Variants in ZNF577 observed in about 807,000 individuals in gnomAD.
ZNF577 encodes zinc finger protein 577.
ZNF577 carries 14 observed loss-of-function variants against 13.9 expected under a neutral mutation model. The ratio of observed to expected loss-of-function variants is 1.00; its 90% CI spans 0.66 to 1.57. The LOEUF (loss-of-function observed/expected upper bound fraction) is 1.57, where lower values mean the gene tolerates loss of function less well. Ranked by LOEUF, ZNF577 falls within the 40% of genes most tolerant of loss-of-function variation. The pLI is 0.00. For missense variants in ZNF577, 555 were observed against 579.2 expected, an observed-to-expected ratio of 0.96 and a Z score of 0.43; for synonymous variants, 203 against 202.9, an observed-to-expected ratio of 1.00 and a Z score of 0.00.
intron 9 of ZNF577, among the ~76,000 whole-genome samples, chr19:51,838,338 A>C (rs2084299266): frequency 7.0e-6 from 1 of 142,426 alleles, no homozygotes; most frequent in Non-Finnish European, 1.5e-5. Flanking sequence ...ATTGATGCAA[A>C]GATGGGACAG....
intron 5 of ZNF577, among the ~76,000 whole-genome samples, chr19:51,852,221 G>A (rs951910320): frequency 6.6e-6 from 1 of 152,222 alleles, no homozygotes; most frequent in Non-Finnish European, 1.5e-5. Context: ...TCTGCAGGAG[G>A]TAGCCATCTT....
At chr19:51,842,993 T>A (rs563040715) in intron 7 of ZNF577, 1 of 152,244 alleles carries the variant, frequency 6.6e-6, no homozygotes, top group Non-Finnish European at 1.5e-5. Flanking sequence ...ATGCACAGTA[T>A]ACATCTCAGC....
At position 51,867,964 on chromosome 19, in the gene ZNF577, G is replaced by A. The variant is rs1212006935; in HGVS notation, c.*4568C>T. ...CTGGAATGTCTTCTCCCTTGCATGG[G>A]ATCAGAGCCAGGCAAGTTCTGGTGG... is the stretch of plus-strand genomic sequence containing the variant. On this transcript the variant is annotated 3_prime_UTR_variant, in exon 6 of 6. Coordinates refer to ENST00000638348, the MANE Select transcript of ZNF577 (RefSeq NM_001370449.1). 6.6e-6 allele frequency among the ~76,000 whole-genome samples: 1 copy of A among 152,148 alleles called. No homozygotes were observed. The highest frequency in any genetic ancestry group is 2.4e-5 in the African/African-American group (1 of 41,436).
Position 51,824,600 on chromosome 19 carries a change from T to C in ZNF577, c.*600-12926A>G, listed in dbSNP as rs2084218172. The C allele has an allele frequency of 6.2e-7, 1 of 1,614,184 alleles. No individual in the cohort carries two copies. Among genetic ancestry groups the C allele is most frequent in the Non-Finnish European group, 8.5e-7 (1 of 1,180,018 alleles). ...AATACAAAATCATTCTTGTCCTGAT[T>C]AACCCAACAAGCTCCTTGGCCTTTT... On this transcript the variant is annotated intron_variant and NMD_transcript_variant, in intron 9 of 10. Transcript: ENST00000638827. The surrounding 1 kb of genome is among the most constrained non-coding windows in gnomAD (Gnocchi z 4.7).
Position 51,824,677 on chromosome 19 carries a change from A to G in ZNF577, c.*600-13003T>C. ...TACGTCTTTATGGGTCGTAACTTCC[A>G]AGAAAGACTGATTCGCTCTTTGCCC... On this transcript the variant is annotated intron_variant and NMD_transcript_variant, in intron 9 of 10. Transcript: ENST00000638827. The surrounding 1 kb of genome is among the most constrained non-coding windows in gnomAD (Gnocchi z 4.7). 6.2e-7 allele frequency: 1 copy of G among 1,614,078 alleles called. No individual in the cohort carries two copies. Among genetic ancestry groups the G allele is most frequent in the Non-Finnish European group, 8.5e-7 (1 of 1,180,002 alleles).
At chr19:51,833,254 C>T (rs7259920) in intron 9 of ZNF577, among the ~76,000 whole-genome samples, 10,533 of 152,130 alleles carry the variant, frequency 0.069, 1,068 homozygotes, top group African/African-American at 0.23. Context: ...TCTCTCAAGT[C>T]AGTAATCAAG....
Position 51,877,275 on chromosome 19 carries a change from C to T in ZNF577, c.283+7G>A. 6.2e-7 allele frequency: 1 copy of T among 1,612,986 alleles called. No individual in the cohort carries two copies. Among genetic ancestry groups the T allele is most frequent in the South Asian group, 1.1e-5 (1 of 90,998 alleles). On this transcript the variant is annotated splice_region_variant and intron_variant, in intron 5 of 5. Transcript: ENST00000638348. ...TCTCCCCATTTTCTTAGTTTTCACT[C>T]ACTTACCTGGACAGATTTGACTGTG...
At chr19:51,860,709 A>G (rs1189923917) in intron 5 of ZNF577, 2 of 210,386 alleles carry the variant, frequency 9.5e-6, no homozygotes, top group Non-Finnish European at 1.9e-5. Context: ...ATAATTAGTG[A>G]CCTTTGGTAT....
rs754439930 is a variant in ZNF577 at position 51,824,001 on chromosome 19, G to A, written c.*600-12327C>T. 6.2e-7 allele frequency: 1 copy of A among 1,614,118 alleles called. No individual in the cohort carries two copies. Among genetic ancestry groups the A allele is most frequent in the African/African-American group, 1.3e-5 (1 of 75,034 alleles). ...CATCCTACCATTCCGAATGGTCTCA[G>A]TCGCCATGAGAGAAAAATGGCCTTT... On this transcript the variant is annotated intron_variant and NMD_transcript_variant, in intron 9 of 10. Coordinates refer to the ZNF577 transcript ENST00000638827. This position sits in a 1 kb window ranked among gnomAD's most constrained non-coding sequence, Gnocchi z 4.7.
At chr19:51,855,640 G>C (rs375654854) in intron 5 of ZNF577, among the ~76,000 whole-genome samples, 13 of 152,068 alleles carry the variant, frequency 8.5e-5, no homozygotes, top group African/African-American at 2.9e-4. Flanking sequence ...ATTTTTCAGA[G>C]CTCTTGTTTG....
At chr19:51,813,226 C>T (rs534119867) in intron 9 of ZNF577, among the ~76,000 whole-genome samples, 1 of 151,834 alleles carries the variant, frequency 6.6e-6, no homozygotes, top group African/African-American at 2.4e-5. Context: ...CTAGCAGATG[C>T]AGTATCTGGT....
chr19:51,850,205 G>C (rs2084372878), intron 5 of ZNF577, among the ~76,000 whole-genome samples: 1 of 152,124 alleles, frequency 6.6e-6, no homozygotes, highest in Non-Finnish European at 1.5e-5. Context: ...TTCCTGCTTG[G>C]GAAGAGTATC....
chr19:51,883,458 A>G (rs2084895134), intron 1 of ZNF577, among the ~76,000 whole-genome samples: 1 of 152,046 alleles, frequency 6.6e-6, no homozygotes, highest in African/African-American at 2.4e-5. Flanking sequence ...TTCTCTACCT[A>G]CCCAACTCCC....
At chr19:51,813,159 CA>C (rs2084110051) in intron 9 of ZNF577, among the ~76,000 whole-genome samples, 3 of 150,158 alleles carry the variant, frequency 2.0e-5, no homozygotes, top group Non-Finnish European at 4.4e-5. Flanking sequence ...CACACACACA[CA>C]CCCCATAAAT....
At chr19:51,850,231 G>T (rs954008394) in intron 5 of ZNF577, among the ~76,000 whole-genome samples, 2 of 152,156 alleles carry the variant, frequency 1.3e-5, no homozygotes, top group Non-Finnish European at 2.9e-5. Context: ...TTACCTGGTT[G>T]CCTTGGGCCA....
intron 7 of ZNF577, chr19:51,843,024 G>A (rs149333108): frequency 6.6e-6 from 1 of 152,222 alleles, no homozygotes; most frequent in East Asian, 1.9e-4. Flanking sequence ...CCTTTCATTT[G>A]GAAAGTGAAA....
chr19:51,823,629 C>T, intron 9 of ZNF577: 1 of 822,586 alleles, frequency 1.2e-6, no homozygotes, highest in Non-Finnish European at 1.9e-6. Flanking sequence ...TCACAAGGCT[C>T]ACTGGGGAGG....
intron 9 of ZNF577, among the ~76,000 whole-genome samples, chr19:51,827,941 C>A (rs2084240274): frequency 2.8e-5 from 1 of 36,070 alleles, no homozygotes; most frequent in Non-Finnish European, 5.3e-5. Context: ...TCCCTTCTGT[C>A]TCTCCTAAAG....
At chr19:51,835,895 G>A (rs1244378360) in intron 9 of ZNF577, among the ~76,000 whole-genome samples, 1 of 152,172 alleles carries the variant, frequency 6.6e-6, no homozygotes, top group African/African-American at 2.4e-5. Context: ...GTTTCACCAT[G>A]TTGGTCAGGC....
Sources: gnomAD v4.1 joint callset for allele counts (sites outside exome capture counted in the v4.1 genomes callset) on GRCh38, gnomAD v4.1.1 for gene constraint, Gnocchi (gnomAD v3.1) non-coding constraint, MANE v1.5 for transcripts, NCBI Gene and HGNC (gene_info 2026-07-23, HGNC 2026-07-21) for gene names.